Variants in DAXX observed in about 807,000 individuals in gnomAD.
DAXX encodes the protein death domain associated protein, also known as death domain-associated protein 6.
DAXX carries 24 observed loss-of-function variants against 61.9 expected under a neutral mutation model. The ratio of observed to expected loss-of-function variants is 0.39; its 90% confidence interval spans 0.28 to 0.55. The LOEUF is 0.55. Ranked by LOEUF, DAXX falls within the 20% of genes least tolerant of loss-of-function variation. The probability of loss-of-function intolerance (pLI) is 0.69; values close to 1 mark genes in which losing one functional copy is unlikely to be tolerated. For missense variants in DAXX, 819 were observed against 935.3 expected (o/e 0.88, Z 1.62); for synonymous variants, 357 against 369.5 (o/e 0.97, Z 0.39).
At chr6:33,319,303 A>T in intron 6 of DAXX, 77 bp downstream of exon 6, 1 of 1,562,622 alleles carries the variant, frequency 6.4e-7, no homozygotes, top group Non-Finnish European at 8.7e-7. Flanking sequence ...CAGCAGACTC[A>T]GTTCCCCAGT....
Position 33,320,302 on chromosome 6 carries a change from C to G in DAXX, c.1251+78G>C, listed in dbSNP as rs1770411599. 7.0e-7 allele frequency: 1 copy of G among 1,430,514 alleles called. No individual in the cohort carries two copies. The allele number at this position is 1,430,514 out of a possible 1,614,324, so 88.6% of individuals were successfully genotyped here. A position where few individuals can be genotyped will look rare whatever the true frequency, so the allele number is the denominator to read the frequency against. ...TCTTGCTTTCCTTCTCATGCTCCCC[C>G]ATCAGTCAACCTGGACTCCCTGGTG... On this transcript the variant is annotated intron_variant, in intron 4 of 7. Coordinates refer to ENST00000374542, the MANE Select transcript of DAXX (RefSeq NM_001141969.2). The surrounding 1 kb of genome is among the most constrained non-coding windows in gnomAD (Gnocchi z 7.1).
intron 5 of DAXX, 27 bp downstream of exon 5, chr6:33,319,984 G>T (rs990280461): frequency 6.2e-7 from 1 of 1,613,638 alleles, no homozygotes; most frequent in African/African-American, 1.3e-5. Context: ...AGAAATGACA[G>T]GTGAGGAGAA....
In DAXX at chr6:33,321,496, T is replaced by C. The variant is rs2150998257; in HGVS notation, c.279A>G (p.Gln93=). The C allele has an allele frequency of 6.2e-7, 1 of 1,613,988 alleles. No homozygotes were observed. Among genetic ancestry groups the C allele is most frequent in the Non-Finnish European group, 8.5e-7 (1 of 1,179,996 alleles). ...AGGCCAAAAACAGAGAGTGGGCACGTTGCTGCCGGTTATAGAGGAATGGGA... is the reference window on the plus strand; with the variant it reads ...AGGCCAAAAACAGAGAGTGGGCACGCTGCTGCCGGTTATAGAGGAATGGGA... ...EVVPFLYNRQ[Q]RAHSLFLASA... is the part of the protein sequence containing the mutation. Residue 93 remains glutamine, a synonymous_variant, in exon 3 of 8, where the codon CAA becomes CAG. Coordinates refer to ENST00000374542, the MANE Select transcript of DAXX (RefSeq NM_001141969.2). The surrounding 1 kb of genome is among the most constrained non-coding windows in gnomAD (Gnocchi z 7.2).
rs763703003 is a variant in DAXX, at chr6:33,321,487, G to A, written c.288C>T (p.His96=). 6.2e-7 allele frequency: 1 copy of A among 1,614,142 alleles called. No homozygotes were observed. The change falls in exon 3 of 8, where the codon CAC becomes CAT. Residue 96 remains histidine, a synonymous_variant. Coordinates refer to ENST00000374542, the MANE Select transcript of DAXX (RefSeq NM_001141969.2). The surrounding 1 kb of genome is among the most constrained non-coding windows in gnomAD (Gnocchi z 7.2). ...PFLYNRQQRA[H]SLFLASAEFC... is the part of the protein sequence containing the mutation. ...ACTCCGCCGAGGCCAAAAACAGAGAGTGGGCACGTTGCTGCCGGTTATAGA... is the reference window on the plus strand; with the variant it reads ...ACTCCGCCGAGGCCAAAAACAGAGAATGGGCACGTTGCTGCCGGTTATAGA...
rs1377728336 is a variant in DAXX, at chr6:33,320,059, C to T, written c.1417G>A (p.Gly473Ser). The change falls in exon 5 of 8, where the codon GGT (glycine) becomes AGT (serine). Residue 473 changes from glycine (G) to serine (S), a missense_variant. Transcript: ENST00000374542. This position sits in a 1 kb window ranked among gnomAD's most constrained non-coding sequence, Gnocchi z 7.1. ...EEEDLEQMQE[G>S]QEDDEEEDEE... ...TCCTCCTCTTCATCATCCTCCTGAC[C>T]CTCCTGCATCTGTTCCAGATCCTCC... The T allele has an allele frequency of 1.2e-6, 2 of 1,613,412 alleles. No homozygotes were observed. Among genetic ancestry groups the T allele is most frequent in the Non-Finnish European group, 1.7e-6 (2 of 1,179,666 alleles).
In DAXX at chr6:33,320,630, G is replaced by C. The variant is rs1347082024; in HGVS notation, c.1040-39C>G. 6.2e-7 allele frequency: 1 copy of C among 1,604,874 alleles called. No homozygotes were observed. Among genetic ancestry groups the C allele is most frequent in the Admixed American group, 1.7e-5 (1 of 58,872 alleles). ...CATAAAGTCAGAGCACTCAGCCCTT[G>C]AAGGGACTAGAAGAGTAAAAACCCT... On this transcript the variant is annotated intron_variant, in intron 3 of 7. Transcript: ENST00000374542. The surrounding 1 kb of genome is among the most constrained non-coding windows in gnomAD (Gnocchi z 7.1).
chr6:33,322,763 C>T (rs1448458717), intron 1 of DAXX, 99 bp downstream of exon 1: 3 of 511,816 alleles, frequency 5.9e-6, no homozygotes, highest in Non-Finnish European at 1.1e-5. Context: ...CAGGAAGGTA[C>T]CACAGCTTTC....
At position 33,321,532 on chromosome 6, in the gene DAXX, G is replaced by A; in HGVS notation, c.243C>T (p.His81=). The change falls in exon 3 of 8, where the codon CAC becomes CAT. Residue 81 remains histidine, a synonymous_variant. Coordinates refer to ENST00000374542, the MANE Select transcript of DAXX (RefSeq NM_001141969.2). This position sits in a 1 kb window ranked among gnomAD's most constrained non-coding sequence, Gnocchi z 7.2. ...LELCKMQTAD[H]PEVVPFLYNR... is the part of the protein sequence containing the mutation. ...TATAGAGGAATGGGACCACCTCAGG[G>A]TGGTCTGCTGTCTGCATCTTACAAA... The A allele has an allele frequency of 6.2e-7, 1 of 1,613,998 alleles. No individual in the cohort carries two copies. The highest frequency in any genetic ancestry group is 8.5e-7 in the Non-Finnish European group (1 of 1,179,992).
rs1231199306 is a variant in DAXX at position 33,319,711 on chromosome 6, GTTC to G, written c.1606_1608del (p.Glu536del). ...GCATCTATGCTGGAGGGGGCCAGGG[GTTC>G]TTCTGACAGTAACGATGGTGACACT... is the stretch of plus-strand genomic sequence containing the variant. On this transcript the variant is annotated inframe_deletion, in exon 6 of 8. Coordinates refer to ENST00000374542, the MANE Select transcript of DAXX (RefSeq NM_001141969.2). 6.2e-7 allele frequency: 1 copy of G among 1,614,250 alleles called. No homozygotes were observed. The highest frequency in any genetic ancestry group is 1.7e-5 in the Admixed American group (1 of 60,024).
At chr6:33,322,604 T>G in intron 1 of DAXX, 1 of 304,300 alleles carries the variant, frequency 3.3e-6, no homozygotes, top group Non-Finnish European at 6.5e-6. Context: ...CGGTGACCCG[T>G]AACTGATCAA....
At position 33,320,326 on chromosome 6, in the gene DAXX, T is replaced by G. The variant is rs770850656; in HGVS notation, c.1251+54A>C. The G allele has an allele frequency of 6.9e-7, 1 of 1,448,536 alleles. No homozygotes were observed. Among genetic ancestry groups the G allele is most frequent in the Admixed American group, 1.7e-5 (1 of 59,796 alleles). 89.7% of individuals were successfully genotyped at this position (1,448,536 alleles called of 1,614,324 possible). On this transcript the variant is annotated intron_variant, in intron 4 of 7. Transcript: ENST00000374542. This position sits in a 1 kb window ranked among gnomAD's most constrained non-coding sequence, Gnocchi z 7.1. ...CCATCAGTCAACCTGGACTCCCTGGTGGCCAGTGCAGGGGAAGGACAATGT... is the reference window on the plus strand; with the variant it reads ...CCATCAGTCAACCTGGACTCCCTGGGGGCCAGTGCAGGGGAAGGACAATGT...
Position 33,320,123 on chromosome 6 carries a change from C to G in DAXX, c.1353G>C (p.Glu451Asp). 1 of 1,581,756 alleles carries G rather than the reference C, an allele frequency of 6.3e-7. No individual in the cohort carries two copies. The highest frequency in any genetic ancestry group is 8.7e-7 in the Non-Finnish European group (1 of 1,152,994). The change falls in exon 5 of 8, where the codon GAG (glutamate) becomes GAC (aspartate). Residue 451 changes from glutamate to aspartate, a missense_variant. Coordinates refer to ENST00000374542, the MANE Select transcript of DAXX (RefSeq NM_001141969.2). The surrounding 1 kb of genome is among the most constrained non-coding windows in gnomAD (Gnocchi z 7.1). The part of the protein sequence containing the change: ...EESDEEEEEE[E>D]EEEEEEATDS... The stretch of plus-strand genomic sequence containing the variant: ...CTGTGGCCTCCTCCTCTTCTTCTTC[C>G]TCCTCCTCCTCCTCTTCCTCATCAC...
rs140033328 is a variant in DAXX at position 33,321,028 on chromosome 6, G to A, written c.747C>T (p.Thr249=). ...GGATGCGCTGCTCTATGACACGGCC[G>A]GTCAGTGAAGAGCAGTCTTTCAGCT... The part of the protein sequence containing the change: ...LCELKDCSSL[T]GRVIEQRIPY... Residue 249 remains threonine (T), a synonymous_variant, in exon 3 of 8, where the codon ACC becomes ACT. Transcript: ENST00000374542. This position sits in a 1 kb window ranked among gnomAD's most constrained non-coding sequence, Gnocchi z 7.2. 6.2e-6 allele frequency: 10 copies of A among 1,613,892 alleles called. No homozygotes were observed. Among genetic ancestry groups the A allele is most frequent in the African/African-American group, 1.3e-5 (1 of 74,910 alleles).
intron 1 of DAXX, among the ~76,000 whole-genome samples, chr6:33,322,458 T>C (rs1057076597): frequency 1.3e-5 from 2 of 152,094 alleles, no homozygotes; most frequent in Non-Finnish European, 2.9e-5. Flanking sequence ...CTCCCAACAG[T>C]CCGTTCTCTT....
Position 33,320,933 on chromosome 6 carries a change from T to TCAGG in DAXX, c.838_841dup (p.Asp281AlafsTer2), listed in dbSNP as rs755951348. On this transcript the variant is annotated stop_gained and frameshift_variant, in exon 3 of 8. Coordinates refer to ENST00000374542, the MANE Select transcript of DAXX (RefSeq NM_001141969.2). LOFTEE classifies it high-confidence loss of function. This position sits in a 1 kb window ranked among gnomAD's most constrained non-coding sequence, Gnocchi z 7.1. The stretch of plus-strand genomic sequence containing the variant: ...CACATCCCCATAGTCAGGGAAGGTA[T>TCAGG]CAGGCCCTGGCTTGTTGATGAGCCG... 6.2e-7 allele frequency: 1 copy of TCAGG among 1,614,136 alleles called. No individual in the cohort carries two copies. The highest frequency in any genetic ancestry group is 8.5e-7 in the Non-Finnish European group (1 of 1,179,996).
chr6:33,320,858 C>G lies in DAXX; in HGVS notation c.917G>C (p.Arg306Pro), dbSNP rs138014437. The change falls in exon 3 of 8, where the codon CGA (arginine) becomes CCA (proline). Residue 306 changes from arginine (R) to proline (P), a missense_variant. Transcript: ENST00000374542. The surrounding 1 kb of genome is among the most constrained non-coding windows in gnomAD (Gnocchi z 7.1). ...CTGAGCCATGAGCTGGAGCTGCTGT[C>G]GGGGGAGGCCAAGGCTGTGTCGGGC... ...AAARHSLGLP[R>P]QQLQLMAQDA... The G allele has an allele frequency of 6.2e-7, 1 of 1,614,164 alleles. No homozygotes were observed. Among genetic ancestry groups the G allele is most frequent in the South Asian group, 1.1e-5 (1 of 91,080 alleles).
At chr6:33,322,130 C>T in intron 1 of DAXX, 153 bp from the exon 2 acceptor site, 1 of 447,900 alleles carries the variant, frequency 2.2e-6, no homozygotes, top group Non-Finnish European at 3.9e-6. Context: ...GTTCTATATG[C>T]TTTTTGGGGC....
Position 33,322,923 on chromosome 6 carries a change from C to G in DAXX, c.-114G>C, listed in dbSNP as rs752149849. On this transcript the variant is annotated 5_prime_UTR_variant, in exon 1 of 8. Transcript: ENST00000374542. Reference sequence around the variant, plus strand: ...TTCTCAGAACCTCGCATGGTTCCCTCCGCCTTCCTTCCCACTCCCACCGCA... The same window carrying G: ...TTCTCAGAACCTCGCATGGTTCCCTGCGCCTTCCTTCCCACTCCCACCGCA... The G allele has an allele frequency of 2.1e-6, 3 of 1,430,952 alleles. No individual in the cohort carries two copies. In the South Asian group the frequency reaches 3.4e-5, roughly 16 times the overall value. The allele number at this position is 1,430,952 out of a possible 1,614,324, so 88.6% of individuals were successfully genotyped here.
rs557828859 is a variant in DAXX at position 33,320,153 on chromosome 6, CTCA to C, written c.1320_1322del (p.Asp440del). ...CCTCCTCCTCTTCCTCATCACTCTC[CTCA>C]TCGTCTTCGTCATCTGTCTCAGCTC... is the stretch of plus-strand genomic sequence containing the variant. On this transcript the variant is annotated inframe_deletion, in exon 5 of 8. Transcript: ENST00000374542. This position sits in a 1 kb window ranked among gnomAD's most constrained non-coding sequence, Gnocchi z 7.1. The C allele has an allele frequency of 2.4e-4, 383 of 1,614,024 alleles. 1 individual carries two copies. Among genetic ancestry groups the C allele is most frequent in the Admixed American group, 1.6e-3 (95 of 60,010 alleles).
Sources: gnomAD v4.1 joint callset for allele counts (sites outside exome capture counted in the v4.1 genomes callset) on GRCh38, gnomAD v4.1.1 for gene constraint, Gnocchi (gnomAD v3.1) non-coding constraint, MANE v1.5 for transcripts, NCBI Gene and HGNC (gene_info 2026-07-23, HGNC 2026-07-21) for gene names.